KCNAB1: variants seen among roughly 807,000 people sequenced by gnomAD.
KCNAB1 encodes voltage-gated potassium channel subunit beta-1.
KCNAB1 carries 35 observed loss-of-function variants against 64.6 expected under a neutral mutation model. The ratio of observed to expected loss-of-function variants is 0.54; its 90% CI spans 0.41 to 0.72. The LOEUF is 0.72. KCNAB1 is among the 30% of genes least tolerant of loss of function. KCNAB1 has a pLI of 0.00. For missense variants in KCNAB1, 401 were observed against 512.9 expected (o/e 0.78, Z 2.11); for synonymous variants, 177 against 183.8 (o/e 0.96, Z 0.30).
chr3:156,276,220 T>C (rs949508667), intron 1 of KCNAB1, among the ~76,000 whole-genome samples: 1 of 152,168 alleles, frequency 6.6e-6, no homozygotes, highest in African/African-American at 2.4e-5. Flanking sequence ...AAATATGTCT[T>C]TTTTTCTAAG....
chr3:156,263,892 A>T (rs1235358498), intron 1 of KCNAB1, among the ~76,000 whole-genome samples: 3 of 152,234 alleles, frequency 2.0e-5, no homozygotes, highest in Admixed American at 1.3e-4. Context: ...GGGAGGGCCA[A>T]TTGCATATTG....
At chr3:156,438,632 G>T (rs1479973186) in intron 2 of KCNAB1, among the ~76,000 whole-genome samples, 1 of 152,164 alleles carries the variant, frequency 6.6e-6, no homozygotes, top group Non-Finnish European at 1.5e-5. Context: ...CATTTAGTGA[G>T]CACCTGTTGT....
intron 1 of KCNAB1, among the ~76,000 whole-genome samples, chr3:156,400,477 A>G (rs1038855856): frequency 6.6e-6 from 1 of 152,230 alleles, no homozygotes; most frequent in African/African-American, 2.4e-5. Flanking sequence ...TGCTGTCAGT[A>G]TCTTTCTGAA....
intron 1 of KCNAB1, among the ~76,000 whole-genome samples, chr3:156,266,907 A>T (rs1261469140): frequency 6.6e-6 from 1 of 152,206 alleles, no homozygotes; most frequent in East Asian, 1.9e-4. Flanking sequence ...AACAGAAAAA[A>T]GTCATTGGTC....
chr3:156,400,159 A>C (rs1405624030), intron 1 of KCNAB1, among the ~76,000 whole-genome samples: 1 of 152,242 alleles, frequency 6.6e-6, no homozygotes. Flanking sequence ...TATAGAAAGC[A>C]GAAGAAAAGA....
chr3:156,230,555 C>G (rs1170049384), intron 1 of KCNAB1, among the ~76,000 whole-genome samples: 1 of 152,110 alleles, frequency 6.6e-6, no homozygotes, highest in Non-Finnish European at 1.5e-5. Flanking sequence ...GTGTAATATA[C>G]AGTGACACTG....
chr3:156,289,679 A>T (rs1720289233), intron 1 of KCNAB1, among the ~76,000 whole-genome samples: 1 of 152,202 alleles, frequency 6.6e-6, no homozygotes, highest in African/African-American at 2.4e-5. Context: ...TTTTAAAGTA[A>T]AGTGTGGGAA....
intron 1 of KCNAB1, among the ~76,000 whole-genome samples, chr3:156,184,686 C>A (rs1040944525): frequency 2.0e-5 from 3 of 152,220 alleles, no homozygotes; most frequent in Admixed American, 6.5e-5. Context: ...TCTATCTTTG[C>A]AACCTAGGAC....
chr3:156,119,390 T>A (rs951869324), upstream of KCNAB1, among the ~76,000 whole-genome samples: 1 of 152,222 alleles, frequency 6.6e-6, no homozygotes, highest in African/African-American at 2.4e-5. Context: ...AGAGGAGGCC[T>A]TATGACAGCC....
Position 156,508,740 on chromosome 3 carries a change from G to A in KCNAB1, c.659-5624G>A, listed in dbSNP as rs1242357497. 6.6e-6 allele frequency among the ~76,000 whole-genome samples: 1 copy of A among 152,176 alleles called. No individual in the cohort carries two copies. Among genetic ancestry groups the A allele is most frequent in the African/African-American group, 2.4e-5 (1 of 41,424 alleles). Reference sequence around the variant, plus strand: ...ATTTCTCACTTTACAGAAGGAAATTGAGTACTCAGGGAAACAAAGTGGACC... The same window carrying A: ...ATTTCTCACTTTACAGAAGGAAATTAAGTACTCAGGGAAACAAAGTGGACC... On this transcript the variant is annotated intron_variant, in intron 8 of 13. Coordinates refer to ENST00000490337, the MANE Select transcript of KCNAB1 (RefSeq NM_172160.3). The surrounding 1 kb of genome is among the most constrained non-coding windows in gnomAD (Gnocchi z 4.1).
At chr3:156,285,207 T>A (rs1720029401) in intron 1 of KCNAB1, among the ~76,000 whole-genome samples, 1 of 152,238 alleles carries the variant, frequency 6.6e-6, no homozygotes, top group Non-Finnish European at 1.5e-5. Flanking sequence ...TTACAGTAGT[T>A]GAAATATAAT....
At chr3:156,123,849 C>G (rs919582836) in intron 1 of KCNAB1, among the ~76,000 whole-genome samples, 2 of 151,972 alleles carry the variant, frequency 1.3e-5, no homozygotes, top group African/African-American at 4.8e-5. Context: ...AATTTTTTTT[C>G]TGTTTACAAA....
chr3:156,173,134 C>T lies in KCNAB1; in HGVS notation c.275+52248C>T, dbSNP rs535563911. ...GAATGTCGGATGCCTCAAGTCACTG[C>T]GGTCAACAGGCAGTGTTGCTGTCTA... is the stretch of plus-strand genomic sequence containing the variant. On this transcript the variant is annotated intron_variant, in intron 1 of 13. Transcript: ENST00000490337. Among the ~76,000 whole-genome samples, 17 of 152,320 alleles carry T rather than the reference C, an allele frequency of 1.1e-4. 1 individual carries two copies. Among genetic ancestry groups the T allele is most frequent in the East Asian group, 5.8e-4 (3 of 5,184 alleles).
intron 1 of KCNAB1, among the ~76,000 whole-genome samples, chr3:156,186,285 G>A (rs2108353942): frequency 6.6e-6 from 1 of 152,208 alleles, no homozygotes; most frequent in Non-Finnish European, 1.5e-5. Flanking sequence ...AGAAATTAGA[G>A]CCCATCTTTA....
intron 3 of KCNAB1, among the ~76,000 whole-genome samples, chr3:156,456,540 G>C (rs909410747): frequency 6.6e-6 from 1 of 152,166 alleles, no homozygotes; most frequent in East Asian, 1.9e-4. Context: ...ACTCCATTTT[G>C]CTAGCTTAAC....
intron 1 of KCNAB1, among the ~76,000 whole-genome samples, chr3:156,221,475 TA>T (rs1715729411): frequency 1.3e-5 from 2 of 152,026 alleles, no homozygotes; most frequent in Non-Finnish European, 2.9e-5. Context: ...TCAAAATAAT[TA>T]TCAGTCAAGA....
At chr3:156,118,727 C>G (rs901992972), upstream of KCNAB1, among the ~76,000 whole-genome samples, 5 of 152,182 alleles carry the variant, frequency 3.3e-5, no homozygotes, top group African/African-American at 9.7e-5. Flanking sequence ...ATTGGGAAGC[C>G]CTCTGTCTCT....
intron 1 of KCNAB1, among the ~76,000 whole-genome samples, chr3:156,411,624 C>T (rs1177055891): frequency 3.3e-5 from 5 of 152,114 alleles, no homozygotes; most frequent in Non-Finnish European, 7.4e-5. Context: ...ACAATCCTTT[C>T]TCCATTTAAT....
At chr3:156,203,057 A>C (rs1045223809) in intron 1 of KCNAB1, among the ~76,000 whole-genome samples, 15 of 152,348 alleles carry the variant, frequency 9.8e-5, no homozygotes, top group East Asian at 7.7e-4. Context: ...TAACATACAC[A>C]CAAAAGATGA....
Sources: gnomAD v4.1 joint callset for allele counts (sites outside exome capture counted in the v4.1 genomes callset) on GRCh38, gnomAD v4.1.1 for gene constraint, Gnocchi (gnomAD v3.1) non-coding constraint, MANE v1.5 for transcripts, NCBI Gene and HGNC (gene_info 2026-07-23, HGNC 2026-07-21) for gene names.